Variants in CDH9 observed in about 807,000 individuals in gnomAD.
CDH9 encodes the protein cadherin 9, also known as cadherin-9.
Under a neutral mutation model 70.9 loss-of-function variants are expected in CDH9, and 28 were observed. The ratio of observed to expected loss-of-function variants is 0.40; its 90% CI spans 0.29 to 0.54. CDH9 has a LOEUF of 0.54. CDH9 is among the 20% of genes least tolerant of loss of function. The pLI, the probability that CDH9 is intolerant of heterozygous loss-of-function variation, is 0.59. For missense variants in CDH9, 874 were observed against 984.4 expected (o/e 0.89, Z 1.50); for synonymous variants, 409 against 343.1 (o/e 1.19, Z -2.12).
intron 3 of CDH9, among the ~76,000 whole-genome samples, chr5:26,911,144 A>G (rs1741046301): frequency 6.6e-6 from 1 of 152,174 alleles, no homozygotes; most frequent in Non-Finnish European, 1.5e-5. Flanking sequence ...CTTTCACAGA[A>G]TGCTTAATGT....
chr5:26,901,241 A>C (rs2111986129), intron 7 of CDH9, among the ~76,000 whole-genome samples: 1 of 152,104 alleles, frequency 6.6e-6, no homozygotes, highest in Admixed American at 6.6e-5. Context: ...ACAAGTACAT[A>C]ATTTGATACT....
chr5:26,885,473 T>G lies in CDH9; in HGVS notation c.1882+141A>C, dbSNP rs1015968373. 5 of 763,190 alleles carry G rather than the reference T, an allele frequency of 6.6e-6. No individual in the cohort carries two copies. The East Asian group carries it at 8.2e-5, about 12-fold the overall frequency. 47.3% of individuals were successfully genotyped at this position (763,190 alleles called of 1,614,324 possible). ...ACACACAAAAACGCTTATTTTTTCC[T>G]AATTGAAAGAAGAATTTTAATAAAA... On this transcript the variant is annotated intron_variant, in intron 11 of 11. Coordinates refer to ENST00000231021, the MANE Select transcript of CDH9 (RefSeq NM_016279.4).
intron 7 of CDH9, among the ~76,000 whole-genome samples, chr5:26,901,969 T>C (rs1479685): frequency 0.12 from 18,787 of 151,912 alleles, 1,311 homozygotes; most frequent in Middle Eastern, 0.33. Context: ...CCAACAATTT[T>C]CAAAAGAAAA....
chr5:27,001,049 T>G (rs1332442484), intron 1 of CDH9, among the ~76,000 whole-genome samples: 2 of 152,102 alleles, frequency 1.3e-5, no homozygotes, highest in Non-Finnish European at 2.9e-5. Context: ...CATGACATTA[T>G]GCACTTACCA....
chr5:27,000,632 A>G (rs2112104793), intron 1 of CDH9, among the ~76,000 whole-genome samples: 1 of 152,274 alleles, frequency 6.6e-6, no homozygotes, highest in African/African-American at 2.4e-5. Flanking sequence ...TTGATTGAAA[A>G]ATAATGTCCA....
chr5:27,005,216 A>G (rs1335191954), intron 1 of CDH9, among the ~76,000 whole-genome samples: 2 of 152,144 alleles, frequency 1.3e-5, no homozygotes, highest in Admixed American at 6.6e-5. Flanking sequence ...TTTTAAAATT[A>G]TGTACAGTAT....
At chr5:26,970,850 T>C (rs1192227339) in intron 2 of CDH9, among the ~76,000 whole-genome samples, 1 of 152,160 alleles carries the variant, frequency 6.6e-6, no homozygotes, top group Non-Finnish European at 1.5e-5. Flanking sequence ...TTGCAGGTCC[T>C]ACAGTGATTC....
rs902941050 is a variant in CDH9, at chr5:26,972,510, C to A, written c.228+15596G>T. Among the ~76,000 whole-genome samples the A allele has an allele frequency of 2.9e-4, 44 of 152,206 alleles. No homozygotes were observed. In the South Asian group the frequency reaches 5.8e-3, roughly 20 times the overall value. On this transcript the variant is annotated intron_variant, in intron 2 of 11. Coordinates refer to ENST00000231021, the MANE Select transcript of CDH9 (RefSeq NM_016279.4). ...TGCCATTGGCCCTGTGGAACCCCCC[C>A]ACAAAAGAAAACTCAGCCAAAAAAG...
At chr5:26,938,172 A>C (rs867522260) in intron 2 of CDH9, among the ~76,000 whole-genome samples, 2 of 151,620 alleles carry the variant, frequency 1.3e-5, no homozygotes. Context: ...ATTAATTCAA[A>C]ACAAACAAAA....
At chr5:26,955,085 A>G (rs555872947) in intron 2 of CDH9, among the ~76,000 whole-genome samples, 11 of 152,344 alleles carry the variant, frequency 7.2e-5, no homozygotes, top group Admixed American at 6.5e-4. Context: ...ATGTCATCCT[A>G]ATAAGCTGTT....
At chr5:26,952,528 G>A (rs1407489265) in intron 2 of CDH9, among the ~76,000 whole-genome samples, 1 of 125,764 alleles carries the variant, frequency 8.0e-6, no homozygotes, top group Non-Finnish European at 1.6e-5. Flanking sequence ...CCAGCTACTC[G>A]AGAAGCTGAG....
chr5:26,936,735 C>G (rs924803051), intron 2 of CDH9, among the ~76,000 whole-genome samples: 5 of 151,934 alleles, frequency 3.3e-5, no homozygotes, highest in Non-Finnish European at 7.4e-5. Context: ...CAGAAATATA[C>G]TCAAACAAAT....
At chr5:26,965,772 A>G (rs568931559) in intron 2 of CDH9, among the ~76,000 whole-genome samples, 1 of 152,092 alleles carries the variant, frequency 6.6e-6, no homozygotes, top group African/African-American at 2.4e-5. Context: ...AGAGTACTAG[A>G]TTACTTTGGT....
chr5:26,909,175 C>T (rs1313142854), intron 3 of CDH9, among the ~76,000 whole-genome samples: 5 of 151,994 alleles, frequency 3.3e-5, no homozygotes, highest in Admixed American at 6.5e-5. Context: ...TTAGTAGAGA[C>T]GGGGTTTCCC....
intron 2 of CDH9, among the ~76,000 whole-genome samples, chr5:26,917,815 A>AT (rs961936584): frequency 6.6e-6 from 1 of 151,974 alleles, no homozygotes; most frequent in Non-Finnish European, 1.5e-5. Flanking sequence ...AAAGAGGGTG[A>AT]TTTTTCCACA....
At chr5:26,903,213 A>T in intron 6 of CDH9, 1 of 299,920 alleles carries the variant, frequency 3.3e-6, no homozygotes, top group South Asian at 3.1e-5. Context: ...AAGATTAAGA[A>T]TGTTCTCCCA....
rs370456895 is a variant in CDH9, at chr5:26,992,823, G to C, written c.-49-4441C>G. ...AAGAATATCTAAATAATGGCCGGGCGTGGTGGCTCAGGCCTGTAATCCTAG... is the reference window on the plus strand; with the variant it reads ...AAGAATATCTAAATAATGGCCGGGCCTGGTGGCTCAGGCCTGTAATCCTAG... On this transcript the variant is annotated intron_variant, in intron 1 of 11. Coordinates refer to ENST00000231021, the MANE Select transcript of CDH9 (RefSeq NM_016279.4). Among the ~76,000 whole-genome samples the C allele has an allele frequency of 3.3e-5, 5 of 152,248 alleles. 1 individual carries two copies. The highest frequency in any genetic ancestry group is 9.6e-5 in the African/African-American group (4 of 41,564).
In CDH9 at chr5:26,940,600, T is replaced by A. The variant is rs777334860; in HGVS notation, c.229-24676A>T. ...AAATGCCTCTTTTACTAAGGAAATATCCAATAACACCCTAGTAGATATCCA... is the reference window on the plus strand; with the variant it reads ...AAATGCCTCTTTTACTAAGGAAATAACCAATAACACCCTAGTAGATATCCA... On this transcript the variant is annotated intron_variant, in intron 2 of 11. Coordinates refer to ENST00000231021, the MANE Select transcript of CDH9 (RefSeq NM_016279.4). 5.3e-5 allele frequency among the ~76,000 whole-genome samples: 8 copies of A among 152,186 alleles called. No individual in the cohort carries two copies. In the East Asian group the frequency reaches 1.5e-3, roughly 29 times the overall value.
chr5:26,890,776 T>C (rs1302201040), intron 7 of CDH9: 14 of 465,542 alleles, frequency 3.0e-5, no homozygotes, highest in Admixed American at 7.2e-5. Flanking sequence ...CTATGTGTAC[T>C]TTAGAACTGT....
Sources: gnomAD v4.1 joint callset for allele counts (sites outside exome capture counted in the v4.1 genomes callset) on GRCh38, gnomAD v4.1.1 for gene constraint, MANE v1.5 for transcripts, NCBI Gene and HGNC (gene_info 2026-07-23, HGNC 2026-07-21) for gene names.